BRSK1: variants seen among roughly 807,000 people sequenced by gnomAD.
BRSK1 encodes the protein serine/threonine-protein kinase BRSK1.
BRSK1 carries 17 observed loss-of-function variants against 86.2 expected under a neutral mutation model. That is an observed-to-expected ratio of 0.20 (90% CI 0.14 to 0.30). The LOEUF is 0.30. Ranked by LOEUF, BRSK1 falls within the 10% of genes least tolerant of loss-of-function variation. BRSK1 has a pLI of 1.00. For missense variants in BRSK1, 719 were observed against 1,071.9 expected (o/e 0.67, Z 4.60); for synonymous variants, 464 against 440.1 (o/e 1.05, Z -0.68).
Position 55,287,042 on chromosome 19 carries a change from C to G in BRSK1, c.172C>G (p.Gln58Glu). Residue 58 changes from glutamine (Q) to glutamate (E), a missense_variant, in exon 2 of 19, where the codon CAG (glutamine) becomes GAG (glutamate). Gln to Glu is a conservative substitution (Grantham distance 29). This residue lies in a region of BRSK1 where 71 missense variants were observed against 92.6 expected (regional missense o/e 0.77). Transcript: ENST00000309383. The surrounding 1 kb of genome is among the most constrained non-coding windows in gnomAD (Gnocchi z 5.3). ...VKLGVHCITG[Q>E]KVAIKIVNRE... is the part of the protein sequence containing the mutation. ...ACTCGGGGTCCACTGCATCACGGGTCAGAAGGTCGCCATCAAGATCGTGAA... is the reference window on the plus strand; with the variant it reads ...ACTCGGGGTCCACTGCATCACGGGTGAGAAGGTCGCCATCAAGATCGTGAA... The G allele has an allele frequency of 6.2e-7, 1 of 1,613,704 alleles. No homozygotes were observed. Among genetic ancestry groups the G allele is most frequent in the Non-Finnish European group, 8.5e-7 (1 of 1,179,922 alleles).
rs1347905016 is a variant in BRSK1 at position 55,303,460 on chromosome 19, G to C, written c.1126+52G>C. On this transcript the variant is annotated intron_variant, in intron 11 of 18. Transcript: ENST00000309383. The surrounding 1 kb of genome is among the most constrained non-coding windows in gnomAD (Gnocchi z 5.1). ...ACACCTGGGTCTCGAGATTGGAAGA[G>C]GCTGGCCACGGGGACCCCAGATTCC... 3 of 1,575,528 alleles carry C rather than the reference G, an allele frequency of 1.9e-6. No individual in the cohort carries two copies. Among genetic ancestry groups the C allele is most frequent in the Non-Finnish European group, 2.6e-6 (3 of 1,145,786 alleles).
Position 55,302,606 on chromosome 19 carries a change from C to G in BRSK1, c.858-91C>G, listed in dbSNP as rs1014639311. 6.7e-6 allele frequency: 10 copies of G among 1,491,344 alleles called. No homozygotes were observed. Among genetic ancestry groups the G allele is most frequent in the Non-Finnish European group, 7.3e-6 (8 of 1,102,710 alleles). The allele number at this position is 1,491,344 out of a possible 1,614,324, so 92.4% of individuals were successfully genotyped here. The stretch of plus-strand genomic sequence containing the variant: ...GAGAGAAGGGGCCGGGGCCTAGACT[C>G]GGATTTCGGGGTCCGGGATCATTGA... On this transcript the variant is annotated intron_variant, in intron 9 of 18. Coordinates refer to ENST00000309383, the MANE Select transcript of BRSK1 (RefSeq NM_032430.2). This position sits in a 1 kb window ranked among gnomAD's most constrained non-coding sequence, Gnocchi z 6.3.
chr19:55,289,575 G>T lies in BRSK1; in HGVS notation c.413G>T (p.Arg138Leu). The T allele has an allele frequency of 1.9e-6, 3 of 1,614,098 alleles. No individual in the cohort carries two copies. The highest frequency in any genetic ancestry group is 2.5e-6 in the Non-Finnish European group (3 of 1,180,004). Residue 138 changes from arginine (R) to leucine (L), a missense_variant, in exon 4 of 19, where the codon CGC (arginine) becomes CTC (leucine). Around this residue, in one of 6 missense-constraint regions of BRSK1, gnomAD observed 75 missense variants for 281.0 expected, o/e 0.27. Transcript: ENST00000309383. The part of the protein sequence containing the change: ...LTPKEARKFF[R>L]QIVSALDFCH... ...CCCAAGGAGGCCCGAAAGTTCTTCCGCCAGATTGTGTCTGCGCTGGACTTC... is the reference window on the plus strand; with the variant it reads ...CCCAAGGAGGCCCGAAAGTTCTTCCTCCAGATTGTGTCTGCGCTGGACTTC...
chr19:55,289,626 TG>T lies in BRSK1; in HGVS notation c.458+9del, dbSNP rs1178667674. 26 of 1,613,172 alleles carry T rather than the reference TG, an allele frequency of 1.6e-5. No individual in the cohort carries two copies. The highest frequency in any genetic ancestry group is 2.0e-5 in the Non-Finnish European group (24 of 1,179,516). ...TGCCACAGCTACTCCATCTGGTGAGTGGGCAGCTTGAGGGGGAGGAGGGGCT... is the reference window on the plus strand; with the variant it reads ...TGCCACAGCTACTCCATCTGGTGAGTGGCAGCTTGAGGGGGAGGAGGGGCT... On this transcript the variant is annotated splice_region_variant and intron_variant, in intron 4 of 18. Coordinates refer to ENST00000309383, the MANE Select transcript of BRSK1 (RefSeq NM_032430.2).
rs2088807889 is a variant in BRSK1, at chr19:55,311,926, C to A, written c.2195C>A (p.Ala732Asp). 3 of 1,611,604 alleles carry A rather than the reference C, an allele frequency of 1.9e-6. No individual in the cohort carries two copies. Among genetic ancestry groups the A allele is most frequent in the Non-Finnish European group, 2.5e-6 (3 of 1,179,220 alleles). The change falls in exon 19 of 19, where the codon GCC (alanine) becomes GAC (aspartate). Residue 732 changes from alanine (A) to aspartate (D), a missense_variant. By Grantham distance (126) the Ala-to-Asp change is moderately radical. Coordinates refer to ENST00000309383, the MANE Select transcript of BRSK1 (RefSeq NM_032430.2). ...VQALADEKNG[A>D]QTRPAGAPPR... ...TCCCTTGCAGACGAGAAGAACGGGG[C>A]CCAGACCCGGCCTGCTGGTGCCCCA...
intron 4 of BRSK1, among the ~76,000 whole-genome samples, chr19:55,290,137 G>A (rs925736126): frequency 1.3e-5 from 2 of 152,026 alleles, no homozygotes; most frequent in African/African-American, 4.8e-5. Context: ...TGGGATTACA[G>A]GTGCACACCA....
chr19:55,303,011 G>T lies in BRSK1; in HGVS notation c.1028+144G>T, dbSNP rs921451853. On this transcript the variant is annotated intron_variant, in intron 10 of 18. Coordinates refer to ENST00000309383, the MANE Select transcript of BRSK1 (RefSeq NM_032430.2). This position sits in a 1 kb window ranked among gnomAD's most constrained non-coding sequence, Gnocchi z 5.1. The stretch of plus-strand genomic sequence containing the variant: ...CTCCCGCCTGGGAGTGATGGAACCA[G>T]CGGAGAAAACGGCCCAGAAACACGC... The T allele has an allele frequency of 1.1e-5, 13 of 1,160,594 alleles. No homozygotes were observed. Among genetic ancestry groups the T allele is most frequent in the Non-Finnish European group, 1.3e-5 (11 of 839,010 alleles). The allele number at this position is 1,160,594 out of a possible 1,614,324, so 71.9% of individuals were successfully genotyped here. A position where few individuals can be genotyped will look rare whatever the true frequency, so the allele number is the denominator to read the frequency against.
In BRSK1 at chr19:55,303,671, C is replaced by T. The variant is rs1028538771; in HGVS notation, c.1131C>T (p.Pro377=). 1.3e-6 allele frequency: 2 copies of T among 1,599,066 alleles called. No homozygotes were observed. The highest frequency in any genetic ancestry group is 4.5e-5 in the East Asian group (2 of 44,734). ...GTTGAAACTGTTGTCCCTCAGACCC[C>T]CCCCGGAAGCGTGTGGATTCTCCCA... is the stretch of plus-strand genomic sequence containing the variant. The part of the protein sequence containing the change: ...QDLPPRNDVD[P]PRKRVDSPML... The change falls in exon 12 of 19, where the codon CCC becomes CCT. Residue 377 remains proline (P), a synonymous_variant. Coordinates refer to ENST00000309383, the MANE Select transcript of BRSK1 (RefSeq NM_032430.2). This position sits in a 1 kb window ranked among gnomAD's most constrained non-coding sequence, Gnocchi z 5.1.
At chr19:55,300,588 C>T (rs887366047) in intron 7 of BRSK1, among the ~76,000 whole-genome samples, 11 of 152,168 alleles carry the variant, frequency 7.2e-5, no homozygotes, top group African/African-American at 2.7e-4. Flanking sequence ...CCTGTAATCC[C>T]AGCACTTTGG....
Position 55,302,346 on chromosome 19 carries a change from A to G in BRSK1, c.857+178A>G. The stretch of plus-strand genomic sequence containing the variant: ...GCTAGAGAAGGAGTCTAGGGGTCAG[A>G]GGCAGGAGGGGCTAAGCTAGGAGTC... On this transcript the variant is annotated intron_variant, in intron 9 of 18. Transcript: ENST00000309383. The surrounding 1 kb of genome is among the most constrained non-coding windows in gnomAD (Gnocchi z 6.3). 1.3e-6 allele frequency: 1 copy of G among 745,924 alleles called. No homozygotes were observed. The highest frequency in any genetic ancestry group is 2.3e-6 in the Non-Finnish European group (1 of 433,806). The allele number at this position is 745,924 out of a possible 1,614,324, so 46.2% of individuals were successfully genotyped here.
intron 18 of BRSK1, among the ~76,000 whole-genome samples, chr19:55,311,044 T>G (rs2123012733): frequency 6.6e-6 from 1 of 152,222 alleles, no homozygotes; most frequent in South Asian, 2.1e-4. Flanking sequence ...CACTGCAACT[T>G]CCACCTCCCG....
intron 7 of BRSK1, among the ~76,000 whole-genome samples, chr19:55,298,209 C>CTTTTTTTTTTTTTTTTT (rs71181751): frequency 1.3e-4 from 9 of 69,622 alleles, no homozygotes; most frequent in Admixed American, 1.8e-4. Context: ...TTTGTTTCTT[C>CTTTTTTTTTTTTTTTTT]TTTTTTTTTT....
rs901172091 is a variant in BRSK1 at position 55,287,857 on chromosome 19, G to A, written c.317+558G>A. On this transcript the variant is annotated intron_variant, in intron 3 of 18. Transcript: ENST00000309383. This position sits in a 1 kb window ranked among gnomAD's most constrained non-coding sequence, Gnocchi z 5.3. ...TCCAGCTGTCCAGACTCCAGAGAAT[G>A]GGCCTCTTTGTCCAAACTCTGGTGA... 1.2e-5 allele frequency: 2 copies of A among 160,530 alleles called. No homozygotes were observed. Among genetic ancestry groups the A allele is most frequent in the African/African-American group, 2.4e-5 (1 of 41,600 alleles). 9.9% of individuals were successfully genotyped at this position (160,530 alleles called of 1,614,324 possible).
chr19:55,304,158 A>T lies in BRSK1; in HGVS notation c.1347+48A>T, dbSNP rs766142425. The T allele has an allele frequency of 2.6e-6, 4 of 1,547,204 alleles. No individual in the cohort carries two copies. Among genetic ancestry groups the T allele is most frequent in the Non-Finnish European group, 3.5e-6 (4 of 1,133,392 alleles). Reference sequence around the variant, plus strand: ...ATTTAAGAAGGAGAAAGGGGTGGAGACATGGAGCAAAGATTGAGTAGCAGA... The same window carrying T: ...ATTTAAGAAGGAGAAAGGGGTGGAGTCATGGAGCAAAGATTGAGTAGCAGA... On this transcript the variant is annotated intron_variant, in intron 13 of 18. Transcript: ENST00000309383. This position sits in a 1 kb window ranked among gnomAD's most constrained non-coding sequence, Gnocchi z 5.2.
intron 7 of BRSK1, among the ~76,000 whole-genome samples, chr19:55,301,126 C>T (rs1263279677): frequency 2.6e-5 from 4 of 152,200 alleles, no homozygotes; most frequent in South Asian, 2.1e-4. Flanking sequence ...CTCAGTCGCT[C>T]GTCATTGTAT....
chr19:55,290,612 GA>G (rs2088389534), intron 4 of BRSK1, among the ~76,000 whole-genome samples: 1 of 151,560 alleles, frequency 6.6e-6, no homozygotes. Context: ...CCAGTTTGTT[GA>G]TTTTTTTATT....
intron 17 of BRSK1, among the ~76,000 whole-genome samples, chr19:55,307,778 A>G (rs2088679347): frequency 7.4e-6 from 1 of 134,980 alleles, no homozygotes; most frequent in African/African-American, 2.8e-5. Context: ...ACACACACAC[A>G]CACACACACA....
intron 4 of BRSK1, among the ~76,000 whole-genome samples, chr19:55,292,094 A>T (rs1380331629): frequency 1.3e-5 from 2 of 152,112 alleles, no homozygotes; most frequent in Non-Finnish European, 2.9e-5. Flanking sequence ...TGTTGACAAG[A>T]TTGTCAAAAC....
chr19:55,294,875 C>A lies in BRSK1; in HGVS notation c.678+478C>A, dbSNP rs746320112. ...GGAGTGCAGTGGTGCAGTCTTGGCT[C>A]ACTGCAACCTACGCCGCCCGGGTTC... On this transcript the variant is annotated intron_variant, in intron 7 of 18. Coordinates refer to ENST00000309383, the MANE Select transcript of BRSK1 (RefSeq NM_032430.2). The surrounding 1 kb of genome is among the most constrained non-coding windows in gnomAD (Gnocchi z 4.9). Among the ~76,000 whole-genome samples, 111 of 152,062 alleles carry A rather than the reference C, an allele frequency of 7.3e-4. 3 individuals carry two copies. Among genetic ancestry groups the A allele is most frequent in the South Asian group, 2.1e-4 (1 of 4,812 alleles).
Sources: gnomAD v4.1 joint callset for allele counts (sites outside exome capture counted in the v4.1 genomes callset) on GRCh38, gnomAD v4.1.1 for gene constraint, gnomAD v4.1.1 regional missense constraint, Gnocchi (gnomAD v3.1) non-coding constraint, MANE v1.5 for transcripts, NCBI Gene and HGNC (gene_info 2026-07-23, HGNC 2026-07-21) for gene names.